Variants in ZBTB20 observed in about 807,000 individuals in gnomAD.
ZBTB20 encodes zinc finger and BTB domain-containing protein 20.
A neutral mutation model predicts 56.9 loss-of-function variants in ZBTB20; 9 were observed. The ratio of observed to expected loss-of-function variants is 0.16; its 90% confidence interval spans 0.10 to 0.28. ZBTB20 has a LOEUF of 0.28. ZBTB20 is among the 10% of genes least tolerant of loss of function. The pLI, the probability that ZBTB20 is intolerant of heterozygous loss-of-function variation, is 1.00. For synonymous variants in ZBTB20, 417 were observed against 420.7 expected (o/e 0.99, Z 0.11); for missense variants, 655 against 1,003.0 (o/e 0.65, Z 4.69).
At chr3:115,051,864 T>C (rs1212417397) in intron 2 of ZBTB20, among the ~76,000 whole-genome samples, 1 of 151,852 alleles carries the variant, frequency 6.6e-6, no homozygotes, top group Non-Finnish European at 1.5e-5. Context: ...TCAGAAAACT[T>C]AAAGGTGAAG....
intron 5 of ZBTB20, among the ~76,000 whole-genome samples, chr3:114,772,584 T>C (rs2069295919): frequency 6.6e-6 from 1 of 152,124 alleles, no homozygotes; most frequent in Admixed American, 6.5e-5. Context: ...AGAAAATAAA[T>C]ACTCTTTACC....
chr3:114,531,677 T>TA (rs2047858316), intron 6 of ZBTB20, among the ~76,000 whole-genome samples: 1 of 152,096 alleles, frequency 6.6e-6, no homozygotes, highest in Non-Finnish European at 1.5e-5. Context: ...AAGAAAAGTT[T>TA]AAAAAATGAC....
At chr3:115,005,522 T>C (rs1005986780) in intron 2 of ZBTB20, among the ~76,000 whole-genome samples, 1 of 151,792 alleles carries the variant, frequency 6.6e-6, no homozygotes, top group African/African-American at 2.4e-5. Flanking sequence ...TGAGATTTAC[T>C]GCATCCTACC....
intron 1 of ZBTB20, among the ~76,000 whole-genome samples, chr3:115,132,328 A>G (rs2084530884): frequency 6.6e-6 from 1 of 152,156 alleles, no homozygotes; most frequent in Non-Finnish European, 1.5e-5. Context: ...AAAGTCTCAT[A>G]GATGCCCAAA....
chr3:114,919,535 G>A (rs1016778561), intron 3 of ZBTB20, among the ~76,000 whole-genome samples: 19 of 151,856 alleles, frequency 1.3e-4, no homozygotes, highest in Admixed American at 4.6e-4. Flanking sequence ...GTGAAACCCC[G>A]TCTCTACTAA....
chr3:114,611,858 T>A (rs2057580131), intron 6 of ZBTB20, among the ~76,000 whole-genome samples: 1 of 146,590 alleles, frequency 6.8e-6, no homozygotes, highest in African/African-American at 2.6e-5. Flanking sequence ...TCATTATTTT[T>A]GCTTGTCTCT....
At chr3:114,988,547 G>A (rs2078655542) in intron 2 of ZBTB20, among the ~76,000 whole-genome samples, 2 of 152,082 alleles carry the variant, frequency 1.3e-5, no homozygotes, top group Non-Finnish European at 2.9e-5. Context: ...TGTGAATAGT[G>A]CCGCAATAAG....
intron 3 of ZBTB20, among the ~76,000 whole-genome samples, chr3:114,921,657 T>A (rs2075963790): frequency 1.5e-5 from 2 of 135,682 alleles, no homozygotes; most frequent in Admixed American, 8.5e-5. Context: ...AGGTGGGAAT[T>A]GAACAATGAG....
intron 6 of ZBTB20, among the ~76,000 whole-genome samples, chr3:114,558,812 A>G (rs1346144668): frequency 1.3e-5 from 2 of 152,156 alleles, no homozygotes; most frequent in Non-Finnish European, 2.9e-5. Flanking sequence ...CTCTGAACAC[A>G]TCACCAGTAT....
intron 5 of ZBTB20, among the ~76,000 whole-genome samples, chr3:114,720,285 T>G (rs1240438139): frequency 6.6e-6 from 1 of 150,596 alleles, no homozygotes; most frequent in Non-Finnish European, 1.5e-5. Flanking sequence ...ATATATTATC[T>G]AAATATAGAT....
At chr3:114,976,080 ACTT>A (rs1418170769) in intron 2 of ZBTB20, among the ~76,000 whole-genome samples, 1 of 152,196 alleles carries the variant, frequency 6.6e-6, no homozygotes, top group Non-Finnish European at 1.5e-5. Flanking sequence ...GCAACTACAA[ACTT>A]CTACAATGCA....
intron 10 of ZBTB20, among the ~76,000 whole-genome samples, chr3:114,363,888 T>C (rs2082126004): frequency 6.6e-6 from 1 of 152,170 alleles, no homozygotes; most frequent in Non-Finnish European, 1.5e-5. Context: ...ATTGTCATTG[T>C]CTCTAAATTT....
At chr3:114,798,194 G>C (rs1483986991) in intron 5 of ZBTB20, among the ~76,000 whole-genome samples, 1 of 151,836 alleles carries the variant, frequency 6.6e-6, no homozygotes, top group East Asian at 1.9e-4. Context: ...CATCATGTCT[G>C]TAAGCCCAAT....
At chr3:114,768,653 CATA>C (rs1174492206) in intron 5 of ZBTB20, among the ~76,000 whole-genome samples, 3 of 152,158 alleles carry the variant, frequency 2.0e-5, no homozygotes, top group African/African-American at 7.2e-5. Flanking sequence ...TTGTTTAAAA[CATA>C]ATAATGTTTC....
intron 6 of ZBTB20, among the ~76,000 whole-genome samples, chr3:114,568,684 A>G (rs1346054175): frequency 6.6e-6 from 1 of 152,174 alleles, no homozygotes; most frequent in Non-Finnish European, 1.5e-5. Flanking sequence ...TCAATACTTG[A>G]TTCAAGGAAT....
chr3:114,530,614 A>G (rs544047485), intron 6 of ZBTB20, among the ~76,000 whole-genome samples: 1 of 152,324 alleles, frequency 6.6e-6, no homozygotes, highest in South Asian at 2.1e-4. Context: ...TGAGAAATCT[A>G]AGAACTAGGT....
At chr3:115,005,256 T>C (rs554274675) in intron 2 of ZBTB20, among the ~76,000 whole-genome samples, 17 of 151,956 alleles carry the variant, frequency 1.1e-4, no homozygotes, top group African/African-American at 4.1e-4. Context: ...TAATTGGTCA[T>C]TGGGTTTATC....
chr3:114,660,291 C>G (rs2060649875), intron 6 of ZBTB20, among the ~76,000 whole-genome samples: 1 of 152,144 alleles, frequency 6.6e-6, no homozygotes, highest in African/African-American at 2.4e-5. Context: ...TGCATTTTCA[C>G]ATTCTCAAAG....
intron 5 of ZBTB20, among the ~76,000 whole-genome samples, chr3:114,707,224 A>T (rs1416389535): frequency 1.3e-5 from 2 of 152,186 alleles, no homozygotes; most frequent in Non-Finnish European, 1.5e-5. Context: ...AAATGTGTGT[A>T]TATCTATTCG....
Sources: allele counts gnomAD v4.1 joint callset (sites outside exome capture counted in the v4.1 genomes callset), GRCh38; gene constraint gnomAD v4.1.1; transcripts MANE v1.5; gene names NCBI Gene and HGNC (gene_info 2026-07-23, HGNC 2026-07-21).